The following MVD variants were observed in gnomAD, a reference collection of about 807,000 sequenced individuals.
The protein encoded by MVD is diphosphomevalonate decarboxylase.
In MVD, 52 loss-of-function variants were observed where a neutral mutation model predicts 42.4. The observed-to-expected ratio is 1.23, with a 90% CI of 0.98 to 1.55. MVD has a LOEUF of 1.55. MVD is among the 40% of genes most tolerant of loss of function. MVD has a pLI of 0.00. For missense variants in MVD, 663 were observed against 572.1 expected, an observed-to-expected ratio of 1.16 and a Z score of -1.62; for synonymous variants, 287 against 243.2, an observed-to-expected ratio of 1.18 and a Z score of -1.68.
chr16:88,655,060 T>C, intron 7 of MVD, 139 bp downstream of exon 7: 1 of 1,104,754 alleles, frequency 9.1e-7, no homozygotes, highest in Non-Finnish European at 1.3e-6. Context: ...AGATGGTCAG[T>C]GAGCTTCGCA....
chr16:88,653,629 C>T (rs1247743790), intron 8 of MVD: 1 of 521,804 alleles, frequency 1.9e-6, no homozygotes, highest in African/African-American at 2.0e-5. Context: ...CTGTGAATGT[C>T]CTCAACACCG....
chr16:88,657,912 C>T lies in MVD; in HGVS notation c.256+3G>A. 1.9e-6 allele frequency: 3 copies of T among 1,613,028 alleles called. No homozygotes were observed. Among genetic ancestry groups the T allele is most frequent in the Non-Finnish European group, 2.5e-6 (3 of 1,179,716 alleles). ...GGATGGGCTTATGGGGACCCCAGCT[C>T]ACTCTCCCGCAGGCAGGCCTGCAGC... On this transcript the variant is annotated splice_donor_region_variant and intron_variant, in intron 3 of 9. Coordinates refer to ENST00000301012, the MANE Select transcript of MVD (RefSeq NM_002461.3).
rs148668035 is a variant in MVD at position 88,656,158 on chromosome 16, G to T, written c.550C>A (p.Arg184=). Residue 184 remains arginine (R), a synonymous_variant, in exon 5 of 10, where the codon CGG becomes AGG. Coordinates refer to ENST00000301012, the MANE Select transcript of MVD (RefSeq NM_002461.3). ...EQADGKDSIA[R]QVAPESHWPE... The stretch of plus-strand genomic sequence containing the variant: ...CAGTGTGACTCGGGGGCCACTTGCC[G>T]AGCGATGCTGTCCTTCCCGTCGGCC... 2.5e-6 allele frequency: 4 copies of T among 1,602,142 alleles called. No individual in the cohort carries two copies. In the Admixed American group the frequency reaches 5.0e-5, roughly 20 times the overall value.
rs374443480 is a variant in MVD at position 88,655,668 on chromosome 16, G to T, written c.666C>A (p.Ser222Arg). 3.4e-5 allele frequency: 53 copies of T among 1,555,214 alleles called. No individual in the cohort carries two copies. Among genetic ancestry groups the T allele is most frequent in the Non-Finnish European group, 4.4e-5 (51 of 1,149,676 alleles). ...CTCCTGGCCTTACCCGAAGCAGGGG[G>T]CTGGTCTCCACACTGGCCCGCATGC... ...TVGMRASVET[S>R]PLLRFRAESV... Residue 222 changes from serine (S) to arginine (R), a missense_variant, in exon 6 of 10, where the codon AGC (serine) becomes AGA (arginine). Physicochemically the swap from Ser to Arg is moderately radical, Grantham distance 110. Coordinates refer to ENST00000301012, the MANE Select transcript of MVD (RefSeq NM_002461.3).
chr16:88,652,676 C>T, intron 9 of MVD, 71 bp from the exon 10 acceptor site: 1 of 1,417,870 alleles, frequency 7.1e-7, no homozygotes, highest in Non-Finnish European at 9.7e-7. Flanking sequence ...ATCTGTAGGG[C>T]CGGACACAGG....
At chr16:88,657,320 G>A (rs1020425546) in intron 4 of MVD, 116 bp downstream of exon 4, 117 of 1,395,534 alleles carry the variant, frequency 8.4e-5, no homozygotes, top group Middle Eastern at 1.8e-4. Flanking sequence ...GGAGGCCTGG[G>A]GTGAGGGGAT....
chr16:88,654,594 C>G, intron 8 of MVD, 98 bp downstream of exon 8: 1 of 1,247,350 alleles, frequency 8.0e-7, no homozygotes, highest in Non-Finnish European at 1.1e-6. Context: ...CTGGGACTCC[C>G]TGTCTCAGCG....
chr16:88,657,810 A>G, intron 3 of MVD, 105 bp downstream of exon 3: 2 of 1,332,152 alleles, frequency 1.5e-6, no homozygotes, highest in African/African-American at 2.9e-5. Context: ...GTTCCCAGCC[A>G]CCCCGCCTGC....
rs1471657323 is a variant in MVD at position 88,652,496 on chromosome 16, C to A, written c.*29G>T. On this transcript the variant is annotated 3_prime_UTR_variant, in exon 10 of 10. Transcript: ENST00000301012. Reference sequence around the variant, plus strand: ...AGCTCCGGCGAGGCCACCCCTTCTCCAAGCGGCATGCGGTCCCTGCTGAGG... The same window carrying A: ...AGCTCCGGCGAGGCCACCCCTTCTCAAAGCGGCATGCGGTCCCTGCTGAGG... The A allele has an allele frequency of 9.0e-6, 14 of 1,553,684 alleles. No homozygotes were observed. The highest frequency in any genetic ancestry group is 1.2e-5 in the Non-Finnish European group (14 of 1,148,544).
At chr16:88,656,388 C>T (rs1218786661) in intron 4 of MVD, 84 bp from the exon 5 acceptor site, 3 of 1,414,750 alleles carry the variant, frequency 2.1e-6, no homozygotes, top group Non-Finnish European at 2.9e-6. Flanking sequence ...GAACGTCCCA[C>T]ACCCCACGGC....
In MVD at chr16:88,652,718, G is replaced by A. The variant is rs551663161; in HGVS notation, c.1123-113C>T. The A allele has an allele frequency of 3.3e-5, 34 of 1,036,708 alleles. No individual in the cohort carries two copies. The East Asian group carries it at 7.9e-4, about 24-fold the overall frequency. The allele number at this position is 1,036,708 out of a possible 1,614,324, so 64.2% of individuals were successfully genotyped here. A position where few individuals can be genotyped will look rare whatever the true frequency, so the allele number is the denominator to read the frequency against. On this transcript the variant is annotated intron_variant, in intron 9 of 9. Transcript: ENST00000301012. Reference sequence around the variant, plus strand: ...GCGGTGTGCCCCCGCCCTTCCTGTGGGTCCTGGTCAGAAGGTAAAGCGCCT... The same window carrying A: ...GCGGTGTGCCCCCGCCCTTCCTGTGAGTCCTGGTCAGAAGGTAAAGCGCCT...
chr16:88,655,386 ATG>A lies in MVD; in HGVS notation c.708_709del (p.Met237GlyfsTer68). On this transcript the variant is annotated frameshift_variant, in exon 7 of 10. Transcript: ENST00000301012. The stretch of plus-strand genomic sequence containing the variant: ...CCGGATGCAGCGGGCCATCTCCGCC[ATG>A]CGCGCGGGCACCACGGACTCGGCCC... 2 of 1,592,546 alleles carry A rather than the reference ATG, an allele frequency of 1.3e-6. No individual in the cohort carries two copies. The highest frequency in any genetic ancestry group is 1.7e-6 in the Non-Finnish European group (2 of 1,171,484).
intron 1 of MVD, chr16:88,660,637 T>C (rs1908232799): frequency 1.3e-5 from 2 of 151,130 alleles, no homozygotes; most frequent in African/African-American, 4.9e-5. Context: ...GCAGTGACAG[T>C]CTGTCTCAAA....
chr16:88,658,288 G>A (rs1340551527), intron 2 of MVD, among the ~76,000 whole-genome samples: 3 of 152,154 alleles, frequency 2.0e-5, no homozygotes, highest in East Asian at 1.9e-4. Flanking sequence ...CCTGGGGCAC[G>A]GTGTGCGCAT....
intron 8 of MVD, among the ~76,000 whole-genome samples, chr16:88,654,089 A>G (rs1907751365): frequency 6.6e-6 from 1 of 152,000 alleles, no homozygotes; most frequent in South Asian, 2.1e-4. Flanking sequence ...CAAGCTGTGC[A>G]CCGAGGAGGG....
chr16:88,655,549 G>C, intron 6 of MVD, 107 bp downstream of exon 6: 1 of 1,512,430 alleles, frequency 6.6e-7, no homozygotes, highest in Non-Finnish European at 8.9e-7. Flanking sequence ...TGGTCTTGGC[G>C]GGGCTGCCGC....
intron 4 of MVD, 195 bp downstream of exon 4, chr16:88,657,241 G>A (rs1333649612): frequency 2.4e-6 from 2 of 830,600 alleles, no homozygotes; most frequent in Admixed American, 2.0e-5. Context: ...CCCCACGCCA[G>A]CTGCAACTGG....
chr16:88,652,387 C>G lies in MVD; in HGVS notation c.*138G>C. ...CGGCCGCAGGACTCCCTGCACTGCC[C>G]CACAGCAAGCTGCCCATGGGCCCGG... On this transcript the variant is annotated 3_prime_UTR_variant, in exon 10 of 10. Transcript: ENST00000301012. 1.0e-6 allele frequency: 1 copy of G among 953,382 alleles called. No homozygotes were observed. Among genetic ancestry groups the G allele is most frequent in the Non-Finnish European group, 1.6e-6 (1 of 614,998 alleles). 59.1% of individuals were successfully genotyped at this position (953,382 alleles called of 1,614,324 possible). A position where few individuals can be genotyped will look rare whatever the true frequency, so the allele number is the denominator to read the frequency against.
Position 88,652,427 on chromosome 16 carries a change from C to G in MVD, c.*98G>C, listed in dbSNP as rs1285095068. The G allele has an allele frequency of 7.4e-7, 1 of 1,351,512 alleles. No individual in the cohort carries two copies. Among genetic ancestry groups the G allele is most frequent in the Non-Finnish European group, 1.0e-6 (1 of 969,784 alleles). 83.7% of individuals were successfully genotyped at this position (1,351,512 alleles called of 1,614,324 possible). On this transcript the variant is annotated 3_prime_UTR_variant, in exon 10 of 10. Transcript: ENST00000301012. ...CATGGGCCCGGGGTCAAGCCACCAC[C>G]CACATGTCCCAGGAGTCCGGCCAGC...
Sources: allele counts gnomAD v4.1 joint callset (sites outside exome capture counted in the v4.1 genomes callset), GRCh38; gene constraint gnomAD v4.1.1; transcripts MANE v1.5; gene names NCBI Gene and HGNC (gene_info 2026-07-23, HGNC 2026-07-21).